TMEM135: variants seen among roughly 807,000 people sequenced by gnomAD.
The protein encoded by TMEM135 is transmembrane protein 135.
In TMEM135, 30 loss-of-function variants were observed where a neutral mutation model predicts 60.3. The observed-to-expected ratio is 0.50, with a 90% CI of 0.37 to 0.68. The LOEUF (loss-of-function observed/expected upper bound fraction) is 0.68, where lower values mean the gene tolerates loss of function less well. Among genes scored for constraint, TMEM135 ranks in the 30% least tolerant of loss-of-function variants. The pLI, the probability that TMEM135 is intolerant of heterozygous loss-of-function variation, is 0.00. For missense variants in TMEM135, 468 were observed against 548.8 expected (o/e 0.85, Z 1.47); for synonymous variants, 190 against 186.7 (o/e 1.02, Z -0.14).
rs772066847 is a variant in TMEM135, at chr11:87,321,947, G to T, written c.*614G>T. The T allele has an allele frequency of 1.3e-5, 6 of 454,230 alleles. No homozygotes were observed. Among genetic ancestry groups the T allele is most frequent in the Non-Finnish European group, 2.2e-5 (5 of 226,716 alleles). 28.1% of individuals were successfully genotyped at this position (454,230 alleles called of 1,614,324 possible). ...TTTGGATAAATGTCGTGGTATCCAT[G>T]CTTTTTTTCAACTAATAACATCATC... On this transcript the variant is annotated 3_prime_UTR_variant, in exon 15 of 15. Transcript: ENST00000305494.
chr11:87,146,046 A>C (rs1184603886), intron 4 of TMEM135, among the ~76,000 whole-genome samples: 1 of 152,148 alleles, frequency 6.6e-6, no homozygotes, highest in African/African-American at 2.4e-5. Flanking sequence ...TTCTTTTAGT[A>C]GTTTTAGAGT....
intron 6 of TMEM135, among the ~76,000 whole-genome samples, chr11:87,287,328 T>G (rs1280713618): frequency 6.6e-6 from 1 of 152,242 alleles, no homozygotes; most frequent in Non-Finnish European, 1.5e-5. Context: ...TTGAGTTTCC[T>G]TCTAGTTTAA....
intron 4 of TMEM135, among the ~76,000 whole-genome samples, chr11:87,094,457 G>T (rs187218869): frequency 2.2e-4 from 33 of 152,264 alleles, no homozygotes; most frequent in Admixed American, 1.8e-3. Context: ...GCAGACTCTG[G>T]ATCTGGAGCT....
intron 6 of TMEM135, among the ~76,000 whole-genome samples, chr11:87,292,009 G>A (rs182741949): frequency 5.3e-5 from 8 of 152,122 alleles, no homozygotes; most frequent in African/African-American, 1.9e-4. Flanking sequence ...CCCCTATTTT[G>A]CTCCAGCTAC....
chr11:87,112,098 T>C (rs1229438866), intron 4 of TMEM135, among the ~76,000 whole-genome samples: 1 of 152,146 alleles, frequency 6.6e-6, no homozygotes, highest in Non-Finnish European at 1.5e-5. Context: ...TATTTATGGT[T>C]TTTTAATTAA....
At chr11:87,222,181 C>CAA (rs386374401) in intron 5 of TMEM135, among the ~76,000 whole-genome samples, 784 of 55,424 alleles carry the variant, frequency 0.014, 48 homozygotes, top group Admixed American at 0.024. Flanking sequence ...GACTCTGTCT[C>CAA]AAAAAAAAAA....
intron 6 of TMEM135, among the ~76,000 whole-genome samples, chr11:87,249,979 C>G (rs948578926): frequency 6.6e-6 from 1 of 151,938 alleles, no homozygotes; most frequent in Non-Finnish European, 1.5e-5. Context: ...CAATCTCATC[C>G]TTTGTCTTTG....
At chr11:87,210,666 G>A (rs1940346786) in intron 5 of TMEM135, among the ~76,000 whole-genome samples, 2 of 152,080 alleles carry the variant, frequency 1.3e-5, no homozygotes, top group South Asian at 4.1e-4. Context: ...CTCACTCTGT[G>A]AAGCCAGCAT....
intron 1 of TMEM135, among the ~76,000 whole-genome samples, chr11:87,056,563 C>G (rs1027784042): frequency 6.6e-6 from 1 of 152,214 alleles, no homozygotes; most frequent in Non-Finnish European, 1.5e-5. Flanking sequence ...GGTTGACAGA[C>G]TAATTATTAG....
At chr11:87,155,962 A>G (rs758434708) in intron 4 of TMEM135, among the ~76,000 whole-genome samples, 23 of 152,354 alleles carry the variant, frequency 1.5e-4, no homozygotes, top group Non-Finnish European at 2.6e-4. Context: ...TCAAATGGAC[A>G]GTATGTACTG....
chr11:87,086,351 C>T (rs1240029224), intron 3 of TMEM135, among the ~76,000 whole-genome samples: 1 of 152,188 alleles, frequency 6.6e-6, no homozygotes, highest in East Asian at 1.9e-4. Flanking sequence ...AGGCCTTCCA[C>T]TGGAGGCAGC....
In TMEM135 at chr11:87,323,197, G is replaced by A; in HGVS notation, c.*1864G>A. The A allele has an allele frequency of 2.2e-6, 1 of 453,738 alleles. No homozygotes were observed. 28.1% of individuals were successfully genotyped at this position (453,738 alleles called of 1,614,324 possible). A position where few individuals can be genotyped will look rare whatever the true frequency, so the allele number is the denominator to read the frequency against. ...TTAGTAAAATTTTGCTGGTCAAAAAGGTGTATTTCTACAATTTACCTTTTC... is the reference window on the plus strand; with the variant it reads ...TTAGTAAAATTTTGCTGGTCAAAAAAGTGTATTTCTACAATTTACCTTTTC... On this transcript the variant is annotated 3_prime_UTR_variant, in exon 15 of 15. Transcript: ENST00000305494.
intron 4 of TMEM135, among the ~76,000 whole-genome samples, chr11:87,115,603 A>G (rs892442785): frequency 2.0e-5 from 3 of 152,138 alleles, no homozygotes; most frequent in African/African-American, 7.2e-5. Flanking sequence ...AGACTTTTCT[A>G]TTAGTTTTTA....
intron 3 of TMEM135, among the ~76,000 whole-genome samples, chr11:87,072,163 C>T (rs767496728): frequency 6.6e-6 from 1 of 152,190 alleles, no homozygotes; most frequent in Non-Finnish European, 1.5e-5. Context: ...CACCACACTT[C>T]AGTCTGGGCA....
Position 87,323,130 on chromosome 11 carries a change from CTG to C in TMEM135, c.*1800_*1801del, listed in dbSNP as rs1262717351. On this transcript the variant is annotated 3_prime_UTR_variant, in exon 15 of 15. Coordinates refer to ENST00000305494, the MANE Select transcript of TMEM135 (RefSeq NM_022918.4). ...TATTGTTTTCATTGACATTAAAAGACTGTGATATTGAAAGATGAATTACGAAA... is the reference window on the plus strand; with the variant it reads ...TATTGTTTTCATTGACATTAAAAGACTGATATTGAAAGATGAATTACGAAA... 6.6e-6 allele frequency: 3 copies of C among 453,792 alleles called. No homozygotes were observed. Among genetic ancestry groups the C allele is most frequent in the Non-Finnish European group, 1.3e-5 (3 of 226,654 alleles). The allele number at this position is 453,792 out of a possible 1,614,324, so 28.1% of individuals were successfully genotyped here.
intron 6 of TMEM135, chr11:87,259,405 C>T (rs1024464078): frequency 7.1e-5 from 17 of 239,202 alleles, no homozygotes; most frequent in Admixed American, 2.5e-4. Flanking sequence ...TATGTGTGTA[C>T]GCGTGTAGAG....
At chr11:87,167,243 A>G (rs1179892922) in intron 5 of TMEM135, among the ~76,000 whole-genome samples, 2 of 152,174 alleles carry the variant, frequency 1.3e-5, no homozygotes, top group Non-Finnish European at 2.9e-5. Context: ...CAATTATGTC[A>G]TCTGCAAACA....
intron 3 of TMEM135, among the ~76,000 whole-genome samples, chr11:87,085,294 T>G (rs554976136): frequency 6.6e-6 from 1 of 152,108 alleles, no homozygotes; most frequent in Non-Finnish European, 1.5e-5. Context: ...AGGAGGTGAT[T>G]TGGGGAAAGA....
intron 9 of TMEM135, 54 bp downstream of exon 9, chr11:87,306,059 T>A (rs1942537944): frequency 1.0e-6 from 1 of 988,602 alleles, no homozygotes; most frequent in African/African-American, 1.7e-5. Flanking sequence ...GTATAGAAAT[T>A]ATTTATTTAT....
Sources: allele counts gnomAD v4.1 joint callset (sites outside exome capture counted in the v4.1 genomes callset), GRCh38; gene constraint gnomAD v4.1.1; transcripts MANE v1.5; gene names NCBI Gene and HGNC (gene_info 2026-07-23, HGNC 2026-07-21).